PCDH7: variants seen among roughly 807,000 people sequenced by gnomAD.
The protein encoded by PCDH7 is protocadherin 7.
A neutral mutation model predicts 58.9 loss-of-function variants in PCDH7; 17 were observed. The ratio of observed to expected loss-of-function variants is 0.29; its 90% CI spans 0.20 to 0.43. PCDH7 has a LOEUF of 0.43. PCDH7 is among the 20% of genes least tolerant of loss of function. The probability of loss-of-function intolerance (pLI) is 1.00; values close to 1 mark genes in which losing one functional copy is unlikely to be tolerated. For synonymous variants in PCDH7, 664 were observed against 616.4 expected (o/e 1.08, Z -1.14); for missense variants, 1,274 against 1,441.0 (o/e 0.88, Z 1.88).
chr4:31,116,551 G>A (rs971784545), intron 3 of PCDH7, among the ~76,000 whole-genome samples: 55 of 152,052 alleles, frequency 3.6e-4, no homozygotes, highest in African/African-American at 1.2e-3. Flanking sequence ...TAGTTGATGG[G>A]GCTGCTTGAG....
intron 3 of PCDH7, among the ~76,000 whole-genome samples, chr4:30,974,234 T>TCC (rs1332005178): frequency 3.5e-5 from 3 of 84,898 alleles, no homozygotes; most frequent in African/African-American, 2.6e-4. Flanking sequence ...CTTTCTTTCT[T>TCC]TTTCTTTCTT....
At chr4:31,024,475 C>G (rs1754270899) in intron 3 of PCDH7, among the ~76,000 whole-genome samples, 1 of 152,108 alleles carries the variant, frequency 6.6e-6, no homozygotes, top group African/African-American at 2.4e-5. Flanking sequence ...AAATACAGAA[C>G]TTGAAGCTCA....
At chr4:30,778,443 T>G (rs544134738) in intron 1 of PCDH7, among the ~76,000 whole-genome samples, 41 of 152,288 alleles carry the variant, frequency 2.7e-4, no homozygotes, top group African/African-American at 9.6e-4. Context: ...TATGCTATAT[T>G]GATTGGAAAC....
At chr4:30,897,428 G>GT (rs1404546386) in intron 1 of PCDH7, among the ~76,000 whole-genome samples, 1 of 151,902 alleles carries the variant, frequency 6.6e-6, no homozygotes, top group Non-Finnish European at 1.5e-5. Flanking sequence ...GTTTGTGGAA[G>GT]TTTTTTTTAA....
chr4:31,142,952 A>G, exon 4 of PCDH7: 1 of 861,936 alleles, frequency 1.2e-6, no homozygotes, highest in South Asian at 1.6e-5. Flanking sequence ...GGGGGCTACC[A>G]AAGAGACAAA....
chr4:30,904,214 C>A (rs1303988970), intron 1 of PCDH7, among the ~76,000 whole-genome samples: 1 of 152,164 alleles, frequency 6.6e-6, no homozygotes, highest in African/African-American at 2.4e-5. Flanking sequence ...TAAAACAATG[C>A]ACATTTGTTA....
At chr4:30,810,783 G>A (rs1726895133) in intron 1 of PCDH7, among the ~76,000 whole-genome samples, 1 of 151,854 alleles carries the variant, frequency 6.6e-6, no homozygotes, top group African/African-American at 2.4e-5. Flanking sequence ...GCTAATTTTT[G>A]TATTTTAGTA....
At chr4:31,019,815 C>T (rs550631930) in intron 3 of PCDH7, among the ~76,000 whole-genome samples, 30 of 151,832 alleles carry the variant, frequency 2.0e-4, no homozygotes, top group African/African-American at 4.8e-4. Flanking sequence ...CCCACAGGTA[C>T]GCATGTAATA....
At chr4:31,079,721 A>C (rs1042882652) in intron 3 of PCDH7, among the ~76,000 whole-genome samples, 2 of 152,098 alleles carry the variant, frequency 1.3e-5, no homozygotes, top group African/African-American at 4.8e-5. Flanking sequence ...GCTCTCATGC[A>C]TGAGCACATT....
chr4:30,808,865 A>G (rs6847642), intron 1 of PCDH7, among the ~76,000 whole-genome samples: 135,577 of 152,106 alleles, frequency 0.89, 60,713 homozygotes, highest in East Asian at 1. Context: ...TCATGGTGCC[A>G]AATCCTGAAA....
At chr4:30,996,441 G>C (rs980525194) in intron 3 of PCDH7, among the ~76,000 whole-genome samples, 3 of 152,162 alleles carry the variant, frequency 2.0e-5, no homozygotes, top group East Asian at 3.9e-4. Context: ...GAATCAGTAG[G>C]TCTTTCATGA....
At chr4:30,988,295 C>T (rs576087814) in intron 3 of PCDH7, among the ~76,000 whole-genome samples, 31 of 152,208 alleles carry the variant, frequency 2.0e-4, no homozygotes, top group African/African-American at 7.2e-4. Context: ...TTACATTTTT[C>T]TGTATGATGA....
intron 3 of PCDH7, among the ~76,000 whole-genome samples, chr4:31,008,383 A>G (rs1251193385): frequency 6.6e-6 from 1 of 152,216 alleles, no homozygotes; most frequent in Non-Finnish European, 1.5e-5. Context: ...ACTTATTTTA[A>G]CTTAGTTAAC....
chr4:31,063,282 A>G (rs928044118), intron 3 of PCDH7, among the ~76,000 whole-genome samples: 2 of 151,908 alleles, frequency 1.3e-5, no homozygotes, highest in African/African-American at 4.8e-5. Context: ...AGAAGATAAC[A>G]TAACTTTAAT....
rs567730319 is a variant in PCDH7 at position 30,993,071 on chromosome 4, T to G, written c.*7+42856T>G. 8.0e-4 allele frequency among the ~76,000 whole-genome samples: 122 copies of G among 152,264 alleles called. 2 individuals carry two copies. The highest frequency in any genetic ancestry group is 8.1e-4 in the Non-Finnish European group (55 of 68,016). Reference sequence around the variant, plus strand: ...GTCTTGGCCTCCCAAAGTGCTAGGATTACAGGTGTGAGCCACCGTGCCCGG... The same window carrying G: ...GTCTTGGCCTCCCAAAGTGCTAGGAGTACAGGTGTGAGCCACCGTGCCCGG... On this transcript the variant is annotated intron_variant, in intron 3 of 3. Coordinates refer to the PCDH7 transcript ENST00000509759.
chr4:30,965,839 T>A lies in PCDH7; in HGVS notation c.*7+15624T>A, dbSNP rs539337373. On this transcript the variant is annotated intron_variant, in intron 3 of 3. Transcript: ENST00000509759. Reference sequence around the variant, plus strand: ...GAAAAGGTTTAAAATATTATTTTTTTAAAAAAGTAGCATTTTCCTATGTGC... The same window carrying A: ...GAAAAGGTTTAAAATATTATTTTTTAAAAAAAGTAGCATTTTCCTATGTGC... 2.6e-4 allele frequency among the ~76,000 whole-genome samples: 39 copies of A among 152,200 alleles called. No individual in the cohort carries two copies. In the East Asian group the frequency reaches 3.9e-3, roughly 15 times the overall value.
At chr4:30,748,485 A>G (rs1294313892) in intron 1 of PCDH7, among the ~76,000 whole-genome samples, 3 of 152,304 alleles carry the variant, frequency 2.0e-5, no homozygotes, top group Admixed American at 1.3e-4. Flanking sequence ...AGCACATTAG[A>G]CAGAGAACAA....
exon 4 of PCDH7, chr4:31,142,807 A>G: frequency 7.3e-7 from 1 of 1,366,806 alleles, no homozygotes; most frequent in Non-Finnish European, 9.8e-7. Context: ...AATATAAGCC[A>G]TCTCCTGTCA....
intron 3 of PCDH7, among the ~76,000 whole-genome samples, chr4:30,973,128 C>T (rs1398890208): frequency 1.3e-5 from 2 of 152,022 alleles, no homozygotes; most frequent in African/African-American, 4.8e-5. Flanking sequence ...CTTTAAATGG[C>T]CAAGTGTGTA....
Sources: allele counts gnomAD v4.1 joint callset (sites outside exome capture counted in the v4.1 genomes callset), GRCh38; gene constraint gnomAD v4.1.1; transcripts MANE v1.5; gene names NCBI Gene and HGNC (gene_info 2026-07-23, HGNC 2026-07-21).